Variants in ST3GAL1 observed in about 807,000 individuals in gnomAD.
ST3GAL1 encodes the protein ST3 beta-galactoside alpha-2,3-sialyltransferase 1.
ST3GAL1 carries 16 observed loss-of-function variants against 34.1 expected under a neutral mutation model. The observed-to-expected ratio is 0.47, with a 90% CI of 0.32 to 0.71. ST3GAL1 has a LOEUF of 0.71. Ranked by LOEUF, ST3GAL1 falls within the 30% of genes least tolerant of loss-of-function variation. The probability of loss-of-function intolerance (pLI) is 0.04; values close to 1 mark genes in which losing one functional copy is unlikely to be tolerated. For missense variants in ST3GAL1, 353 were observed against 447.4 expected (o/e 0.79, Z 1.90); for synonymous variants, 191 against 184.7 (o/e 1.03, Z -0.28).
chr8:133,471,276 T>C (rs1265081546), intron 5 of ST3GAL1, among the ~76,000 whole-genome samples: 1 of 152,128 alleles, frequency 6.6e-6, no homozygotes, highest in African/African-American at 2.4e-5. Flanking sequence ...CTAACACACA[T>C]TCATTCATTC....
rs1482127463 is a variant in ST3GAL1 at position 133,481,944 on chromosome 8, T to C, written c.-373-5344A>G. Among the ~76,000 whole-genome samples the C allele has an allele frequency of 3.9e-5, 6 of 152,074 alleles. No individual in the cohort carries two copies. The East Asian group carries it at 1.2e-3, about 29-fold the overall frequency. On this transcript the variant is annotated intron_variant, in intron 3 of 9. Coordinates refer to ENST00000522652, the MANE Select transcript of ST3GAL1 (RefSeq NM_173344.3). The stretch of plus-strand genomic sequence containing the variant: ...TGTGGTTGTTTTTGCTCTAGGTTCT[T>C]GGTTCCTTGGGTTTTGGTTGACCTA...
At chr8:133,569,017 G>T (rs752179314) in intron 1 of ST3GAL1, among the ~76,000 whole-genome samples, 2 of 152,196 alleles carry the variant, frequency 1.3e-5, no homozygotes, top group Non-Finnish European at 2.9e-5. Flanking sequence ...GGCAGTTTCC[G>T]CCTGCTGCTG....
At chr8:133,465,734 G>A (rs1357488295) in intron 6 of ST3GAL1, 160 bp downstream of exon 6, 3 of 684,816 alleles carry the variant, frequency 4.4e-6, no homozygotes, top group Admixed American at 5.7e-5. Context: ...AGATGGGGAA[G>A]CTGAGGCCCA....
rs564904353 is a variant in ST3GAL1 at position 133,457,589 on chromosome 8, A to T, written c.*2175T>A. 1 of 152,342 alleles carries T rather than the reference A, an allele frequency of 6.6e-6. No individual in the cohort carries two copies. The highest frequency in any genetic ancestry group is 2.1e-4 in the South Asian group (1 of 4,826). 9.4% of individuals were successfully genotyped at this position (152,342 alleles called of 1,614,324 possible). ...TTTCTCAGAAAAAAGAAAAGTCTTT[A>T]AAGTTTTGGAGGATTTTAAAGCTGA... is the stretch of plus-strand genomic sequence containing the variant. On this transcript the variant is annotated 3_prime_UTR_variant, in exon 10 of 10. Coordinates refer to ENST00000522652, the MANE Select transcript of ST3GAL1 (RefSeq NM_173344.3).
rs572584324 is a variant in ST3GAL1 at position 133,466,057 on chromosome 8, T to C, written c.340A>G (p.Asn114Asp). Reference sequence around the variant, plus strand: ...CTGAACAGCTCCTTGATGGTGTCATTCAAGTTATTGGGCTTCTTCTCCCGC... The same window carrying C: ...CTGAACAGCTCCTTGATGGTGTCATCCAAGTTATTGGGCTTCTTCTCCCGC... ...LQREKKPNNLNDTIKELFRVV... is the reference protein window; with the variant it reads ...LQREKKPNNLDDTIKELFRVV... The change falls in exon 6 of 10, where the codon AAT (asparagine) becomes GAT (aspartate). Residue 114 changes from asparagine (N) to aspartate (D), a missense_variant. Physicochemically the swap from Asn to Asp is conservative, Grantham distance 23 (BLOSUM62 1). Coordinates refer to ENST00000522652, the MANE Select transcript of ST3GAL1 (RefSeq NM_173344.3). The surrounding 1 kb of genome is among the most constrained non-coding windows in gnomAD (Gnocchi z 4.4). 1 of 1,613,850 alleles carries C rather than the reference T, an allele frequency of 6.2e-7. No homozygotes were observed. The highest frequency in any genetic ancestry group is 1.3e-5 in the African/African-American group (1 of 75,024).
chr8:133,522,661 T>A (rs1292880413), intron 2 of ST3GAL1, among the ~76,000 whole-genome samples: 1 of 152,112 alleles, frequency 6.6e-6, no homozygotes, highest in Non-Finnish European at 1.5e-5. Flanking sequence ...GGCCGCAGGG[T>A]CTTGCTAGTT....
intron 2 of ST3GAL1, among the ~76,000 whole-genome samples, chr8:133,516,988 C>T (rs938256653): frequency 2.0e-5 from 3 of 152,254 alleles, no homozygotes; most frequent in Admixed American, 2.0e-4. Flanking sequence ...TCAGCAAATA[C>T]ACAAACCACT....
rs867177866 is a variant in ST3GAL1, at chr8:133,509,403, C to T, written c.-428-10214G>A. On this transcript the variant is annotated intron_variant, in intron 2 of 9. Transcript: ENST00000522652. ...GGTTCCACCCTTGTGTTTCACTTGA[C>T]GGGAGACTCTGAGTTAGCTATGGAG... 3.0e-4 allele frequency among the ~76,000 whole-genome samples: 45 copies of T among 152,320 alleles called. No individual in the cohort carries two copies. In the Middle Eastern group the frequency reaches 0.01, roughly 35 times the overall value.
chr8:133,569,144 A>C (rs889541294), intron 1 of ST3GAL1, among the ~76,000 whole-genome samples: 6 of 152,180 alleles, frequency 3.9e-5, no homozygotes, highest in Non-Finnish European at 8.8e-5. Context: ...CCTCCCAGCC[A>C]GGGAGGTAGG....
At chr8:133,523,119 G>C (rs1817859262) in intron 2 of ST3GAL1, among the ~76,000 whole-genome samples, 1 of 151,812 alleles carries the variant, frequency 6.6e-6, no homozygotes, top group Admixed American at 6.6e-5. Flanking sequence ...CAGGGCCCTG[G>C]CGAGCAGCAA....
intron 2 of ST3GAL1, among the ~76,000 whole-genome samples, chr8:133,531,002 G>T (rs562028248): frequency 6.6e-6 from 1 of 152,116 alleles, no homozygotes; most frequent in Non-Finnish European, 1.5e-5. Flanking sequence ...GACTCCTGGA[G>T]CCCTAACAGC....
chr8:133,512,967 G>A (rs1817535959), intron 2 of ST3GAL1, among the ~76,000 whole-genome samples: 2 of 152,192 alleles, frequency 1.3e-5, no homozygotes, highest in South Asian at 4.1e-4. Context: ...CCGGATTAGA[G>A]GGGAGGAAGG....
chr8:133,482,109 G>A (rs116278706), intron 3 of ST3GAL1, among the ~76,000 whole-genome samples: 10 of 152,132 alleles, frequency 6.6e-5, no homozygotes, highest in South Asian at 2.1e-4. Context: ...CACATACCTC[G>A]TGCAGAAAAT....
intron 1 of ST3GAL1, among the ~76,000 whole-genome samples, chr8:133,564,500 A>G (rs1330032605): frequency 7.1e-6 from 1 of 140,470 alleles, no homozygotes; most frequent in Admixed American, 7.6e-5. Flanking sequence ...TGGCACTTTC[A>G]TGTGTTTTAA....
intron 6 of ST3GAL1, 88 bp from the exon 7 acceptor site, chr8:133,465,045 T>G (rs1815683095): frequency 1.4e-6 from 2 of 1,417,190 alleles, no homozygotes; most frequent in Non-Finnish European, 1.9e-6. Flanking sequence ...GAGCCTCCAG[T>G]GTGACTTCAG....
intron 1 of ST3GAL1, among the ~76,000 whole-genome samples, chr8:133,551,596 AAGAAAG>A (rs1407339752): frequency 6.7e-6 from 1 of 149,756 alleles, no homozygotes; most frequent in Non-Finnish European, 1.5e-5. Context: ...GAAAGAAAGA[AAGAAAG>A]AAAGAAAGAA....
Position 133,475,813 on chromosome 8 carries a change from G to A in ST3GAL1, c.212C>T (p.Ser71Leu), listed in dbSNP as rs1816153796. The change falls in exon 5 of 10, where the codon TCG (serine) becomes TTG (leucine). Residue 71 changes from serine (S) to leucine (L), a missense_variant. Transcript: ENST00000522652. ...CTHCIGQRKL[S>L]AWFDERFNQT... ...GTTGAACCTCTCATCGAACCAGGCC[G>A]AGAGCTTGCGCTGCCCGATGCAGTG... 5 of 1,614,098 alleles carry A rather than the reference G, an allele frequency of 3.1e-6. No individual in the cohort carries two copies. The highest frequency in any genetic ancestry group is 2.2e-5 in the South Asian group (2 of 91,072).
intron 9 of ST3GAL1, 98 bp from the exon 10 acceptor site, chr8:133,460,035 C>T (rs1563691901): frequency 1.5e-6 from 2 of 1,306,210 alleles, no homozygotes; most frequent in East Asian, 5.1e-5. Flanking sequence ...CCCACAGGAC[C>T]ATAAACAGCA....
At position 133,542,401 on chromosome 8, in the gene ST3GAL1, G is replaced by A. The variant is rs1200113254; in HGVS notation, c.-429+3373C>T. On this transcript the variant is annotated intron_variant, in intron 2 of 9. Coordinates refer to ENST00000522652, the MANE Select transcript of ST3GAL1 (RefSeq NM_173344.3). ...CCCTAGTGGACAGATTTGGGGCAAC[G>A]TAAATGTCAAAATAACTAATGATCA... Among the ~76,000 whole-genome samples, 8 of 152,170 alleles carry A rather than the reference G, an allele frequency of 5.3e-5. No homozygotes were observed. The South Asian group carries it at 6.2e-4, about 12-fold the overall frequency.
Sources: gnomAD v4.1 joint callset for allele counts (sites outside exome capture counted in the v4.1 genomes callset) on GRCh38, gnomAD v4.1.1 for gene constraint, Gnocchi (gnomAD v3.1) non-coding constraint, MANE v1.5 for transcripts, NCBI Gene and HGNC (gene_info 2026-07-23, HGNC 2026-07-21) for gene names.